PLXDC2: variants seen among roughly 807,000 people sequenced by gnomAD.
The protein encoded by PLXDC2 is plexin domain-containing protein 2.
In PLXDC2, 40 loss-of-function variants were observed where a neutral mutation model predicts 68.9. The observed-to-expected ratio is 0.58, with a 90% CI of 0.45 to 0.76. PLXDC2 has a LOEUF of 0.76. Ranked by LOEUF, PLXDC2 falls within the 30% of genes least tolerant of loss-of-function variation. The pLI is 0.00. For synonymous variants in PLXDC2, 243 were observed against 234.2 expected (o/e 1.04, Z -0.34); for missense variants, 644 against 661.9 (o/e 0.97, Z 0.30).
rs372070397 is a variant in PLXDC2 at position 20,048,080 on chromosome 10, TTTC to T, written c.471+1066_471+1068del. The stretch of plus-strand genomic sequence containing the variant: ...AAGTGAAAAGAAAACAACTTTAACG[TTTC>T]AAGTGCTTTTGTCATTATTGATATA... On this transcript the variant is annotated intron_variant, in intron 3 of 13. Transcript: ENST00000377252. 2.5e-3 allele frequency among the ~76,000 whole-genome samples: 374 copies of T among 152,228 alleles called. 2 individuals carry two copies. The highest frequency in any genetic ancestry group is 8.5e-3 in the African/African-American group (355 of 41,560).
At position 19,921,683 on chromosome 10, in the gene PLXDC2, G is replaced by T. The variant is rs377618621; in HGVS notation, c.113-80092G>T. ...TGCAGCTTTAGCTTTCATGGAGCCA[G>T]TGAGGCTACACAGGGCTACAGGACA... On this transcript the variant is annotated intron_variant, in intron 1 of 13. Transcript: ENST00000377252. 3.3e-5 allele frequency among the ~76,000 whole-genome samples: 5 copies of T among 152,320 alleles called. No individual in the cohort carries two copies. In the South Asian group the frequency reaches 6.2e-4, roughly 19 times the overall value.
At chr10:19,960,239 G>A (rs1035682048) in intron 1 of PLXDC2, among the ~76,000 whole-genome samples, 1 of 150,624 alleles carries the variant, frequency 6.6e-6, no homozygotes, top group African/African-American at 2.4e-5. Context: ...TAGTGCACAC[G>A]TGTATTCCCA....
At chr10:20,223,616 A>G (rs1835247790) in intron 12 of PLXDC2, among the ~76,000 whole-genome samples, 2 of 152,106 alleles carry the variant, frequency 1.3e-5, no homozygotes, top group South Asian at 2.1e-4. Context: ...CCCAGCCTAG[A>G]TCTCTTACAA....
At chr10:19,959,446 A>T (rs1364998598) in intron 1 of PLXDC2, among the ~76,000 whole-genome samples, 1 of 152,210 alleles carries the variant, frequency 6.6e-6, no homozygotes, top group Non-Finnish European at 1.5e-5. Context: ...TATTAAAATG[A>T]TGTCTTTGTA....
rs1554781450 is a variant in PLXDC2 at position 20,287,991 on chromosome 10, G to GAGGT, written c.*8172_*8173insAGGT. 7.8e-6 allele frequency: 1 copy of GAGGT among 128,258 alleles called. No homozygotes were observed. The highest frequency in any genetic ancestry group is 3.0e-4 in the East Asian group (1 of 3,354). 7.9% of individuals were successfully genotyped at this position (128,258 alleles called of 1,614,324 possible). A position where few individuals can be genotyped will look rare whatever the true frequency, so the allele number is the denominator to read the frequency against. The stretch of plus-strand genomic sequence containing the variant: ...GCACTTCTTGCGGCGGGGGAGGGGG[G>GAGGT]GGGGGCGGTGGCTTTCCAGATTTTA... On this transcript the variant is annotated 3_prime_UTR_variant, in exon 14 of 14. Coordinates refer to ENST00000377252, the MANE Select transcript of PLXDC2 (RefSeq NM_032812.9).
intron 5 of PLXDC2, among the ~76,000 whole-genome samples, chr10:20,146,091 A>G (rs960579692): frequency 6.6e-6 from 1 of 152,214 alleles, no homozygotes; most frequent in Admixed American, 6.5e-5. Context: ...GGAAAGTTTT[A>G]TAGAGACAAG....
At position 20,040,256 on chromosome 10, in the gene PLXDC2, A is replaced by G. The variant is rs536387237; in HGVS notation, c.325-6613A>G. ...CACATTACCACTCGCCAGTTTCCCA[A>G]TGCACCCCTTCCTGAAACTAGACTG... is the stretch of plus-strand genomic sequence containing the variant. On this transcript the variant is annotated intron_variant, in intron 2 of 13. Transcript: ENST00000377252. Among the ~76,000 whole-genome samples, 18 of 152,130 alleles carry G rather than the reference A, an allele frequency of 1.2e-4. No homozygotes were observed. The East Asian group carries it at 1.4e-3, about 11-fold the overall frequency.
intron 4 of PLXDC2, among the ~76,000 whole-genome samples, chr10:20,130,288 A>T (rs1381930335): frequency 6.6e-6 from 1 of 151,986 alleles, no homozygotes; most frequent in Admixed American, 6.6e-5. Context: ...GAGAGTGTTA[A>T]TTTCTATTTT....
intron 13 of PLXDC2, among the ~76,000 whole-genome samples, chr10:20,279,200 T>C (rs1429392190): frequency 3.9e-5 from 6 of 152,202 alleles, no homozygotes; most frequent in Non-Finnish European, 7.3e-5. Flanking sequence ...ATATTTCTTT[T>C]AGCTTATTTG....
intron 1 of PLXDC2, among the ~76,000 whole-genome samples, chr10:19,988,996 A>G (rs930710762): frequency 6.6e-6 from 1 of 151,628 alleles, no homozygotes; most frequent in Non-Finnish European, 1.5e-5. Flanking sequence ...AAATTTCACC[A>G]TATTGCCCAG....
intron 1 of PLXDC2, among the ~76,000 whole-genome samples, chr10:19,966,529 T>G (rs1038707629): frequency 6.6e-6 from 1 of 151,198 alleles, no homozygotes; most frequent in Non-Finnish European, 1.5e-5. Context: ...CATATCATAA[T>G]TTGGGTCACA....
intron 13 of PLXDC2, among the ~76,000 whole-genome samples, chr10:20,247,880 T>G (rs183570511): frequency 1.6e-4 from 24 of 152,354 alleles, no homozygotes; most frequent in African/African-American, 5.8e-4. Context: ...CATCTTCATT[T>G]GATATCAGTA....
chr10:19,869,139 G>A (rs181378941), intron 1 of PLXDC2, among the ~76,000 whole-genome samples: 2 of 152,174 alleles, frequency 1.3e-5, no homozygotes, highest in Admixed American at 1.3e-4. Context: ...GCTCATGACT[G>A]TAATCCCAGC....
intron 1 of PLXDC2, among the ~76,000 whole-genome samples, chr10:19,914,087 A>T (rs1448849581): frequency 6.7e-6 from 1 of 150,070 alleles, no homozygotes; most frequent in African/African-American, 2.4e-5. Flanking sequence ...GGGAAGGAGG[A>T]AAGAAGGGAG....
intron 1 of PLXDC2, among the ~76,000 whole-genome samples, chr10:19,925,249 C>T (rs1833521578): frequency 6.6e-6 from 1 of 152,200 alleles, no homozygotes; most frequent in African/African-American, 2.4e-5. Flanking sequence ...GCCTGCATGG[C>T]CTCTGCACAC....
At chr10:20,082,070 A>AAAAAAAAAACAAAAAC (rs1554765383) in intron 4 of PLXDC2, among the ~76,000 whole-genome samples, 7 of 121,930 alleles carry the variant, frequency 5.7e-5, no homozygotes, top group African/African-American at 7.9e-5. Context: ...AAATCAAAAA[A>AAAAAAAAAACAAAAAC]AAAAAACAGG....
intron 1 of PLXDC2, among the ~76,000 whole-genome samples, chr10:19,834,713 T>C (rs1284840555): frequency 6.6e-6 from 1 of 152,228 alleles, no homozygotes; most frequent in African/African-American, 2.4e-5. Flanking sequence ...TTGGGGTTGA[T>C]AGTGAGGTTT....
intron 1 of PLXDC2, among the ~76,000 whole-genome samples, chr10:19,887,345 A>T (rs1300056416): frequency 6.6e-6 from 1 of 152,090 alleles, no homozygotes; most frequent in Non-Finnish European, 1.5e-5. Context: ...ATATGGCAAA[A>T]CCCTGTCTCT....
At chr10:19,958,676 A>C (rs7086159) in intron 1 of PLXDC2, among the ~76,000 whole-genome samples, 8 of 151,904 alleles carry the variant, frequency 5.3e-5, no homozygotes, top group African/African-American at 1.9e-4. Context: ...TCTGCCTTTT[A>C]TCCCCCTCAG....
Sources: allele counts gnomAD v4.1 joint callset (sites outside exome capture counted in the v4.1 genomes callset), GRCh38; gene constraint gnomAD v4.1.1; transcripts MANE v1.5; gene names NCBI Gene and HGNC (gene_info 2026-07-23, HGNC 2026-07-21).